The following PARD3B variants were observed in gnomAD, a reference collection of about 807,000 sequenced individuals.
The protein encoded by PARD3B is par-3 family cell polarity regulator beta, also known as partitioning defective 3 homolog B.
Under a neutral mutation model 130.2 loss-of-function variants are expected in PARD3B, and 103 were observed. The observed-to-expected ratio is 0.79, with a 90% CI of 0.67 to 0.93. PARD3B has a LOEUF of 0.93. Among genes scored for constraint, PARD3B ranks in the 40% least tolerant of loss-of-function variants. PARD3B has a pLI of 0.00. For synonymous variants in PARD3B, 583 were observed against 553.2 expected (o/e 1.05, Z -0.76); for missense variants, 1,609 against 1,499.2 (o/e 1.07, Z -1.21).
intron 4 of PARD3B, among the ~76,000 whole-genome samples, chr2:205,080,355 A>C (rs962021032): frequency 3.3e-5 from 5 of 151,978 alleles, no homozygotes; most frequent in African/African-American, 1.2e-4. Context: ...TTTCACTTTA[A>C]TGGTTATCTT....
intron 21 of PARD3B, among the ~76,000 whole-genome samples, chr2:205,513,891 G>A (rs558472158): frequency 2.0e-5 from 3 of 152,058 alleles, no homozygotes; most frequent in African/African-American, 4.8e-5. Flanking sequence ...AAGAATTAAC[G>A]AGATAGATTT....
intron 15 of PARD3B, among the ~76,000 whole-genome samples, chr2:205,236,993 G>T (rs1050640360): frequency 2.0e-5 from 3 of 152,210 alleles, no homozygotes; most frequent in African/African-American, 7.2e-5. Context: ...AAGAGGGAAA[G>T]GAATGGCACT....
At chr2:205,273,057 T>C (rs573466550) in intron 16 of PARD3B, among the ~76,000 whole-genome samples, 1 of 152,326 alleles carries the variant, frequency 6.6e-6, no homozygotes, top group East Asian at 1.9e-4. Context: ...CCTGAAGTAA[T>C]TGGAAATAAA....
chr2:205,076,859 A>C (rs1211479852), intron 4 of PARD3B, among the ~76,000 whole-genome samples: 1 of 152,176 alleles, frequency 6.6e-6, no homozygotes, highest in Non-Finnish European at 1.5e-5. Context: ...GTGTTTCATT[A>C]AGATCTGGAA....
chr2:205,478,846 G>A (rs1261525476), intron 20 of PARD3B, among the ~76,000 whole-genome samples: 1 of 152,092 alleles, frequency 6.6e-6, no homozygotes, highest in Non-Finnish European at 1.5e-5. Flanking sequence ...GTATGAAAAA[G>A]CATGGAAAAG....
At chr2:205,413,819 G>GT (rs2046681297) in intron 19 of PARD3B, among the ~76,000 whole-genome samples, 1 of 152,120 alleles carries the variant, frequency 6.6e-6, no homozygotes, top group South Asian at 2.1e-4. Context: ...GAGAGCTGTT[G>GT]TTTGTTGTTG....
At chr2:204,903,274 A>G (rs1457553866) in intron 2 of PARD3B, among the ~76,000 whole-genome samples, 1 of 152,214 alleles carries the variant, frequency 6.6e-6, no homozygotes, top group Non-Finnish European at 1.5e-5. Context: ...AATAAAATAG[A>G]ACTTTCTTAT....
intron 11 of PARD3B, among the ~76,000 whole-genome samples, chr2:205,164,381 G>C (rs2034679237): frequency 6.6e-6 from 1 of 152,114 alleles, no homozygotes; most frequent in Non-Finnish European, 1.5e-5. Flanking sequence ...CTTGAGCTCA[G>C]GAGTTCCAGA....
chr2:205,559,056 A>G (rs1254431288), intron 22 of PARD3B, among the ~76,000 whole-genome samples: 1 of 152,186 alleles, frequency 6.6e-6, no homozygotes, highest in African/African-American at 2.4e-5. Flanking sequence ...TGCTATACAG[A>G]TGAGAATAGT....
At chr2:204,834,160 T>C (rs1021943014) in intron 2 of PARD3B, among the ~76,000 whole-genome samples, 2 of 152,230 alleles carry the variant, frequency 1.3e-5, no homozygotes, top group African/African-American at 4.8e-5. Flanking sequence ...ATTTATAACA[T>C]TGTTTTCCTT....
At chr2:205,144,910 G>A (rs1330724846) in intron 10 of PARD3B, among the ~76,000 whole-genome samples, 3 of 152,134 alleles carry the variant, frequency 2.0e-5, no homozygotes, top group African/African-American at 7.2e-5. Flanking sequence ...TTTAACCAAC[G>A]AAAAGAAACT....
chr2:204,983,838 T>G (rs1227880826), intron 3 of PARD3B, among the ~76,000 whole-genome samples: 1 of 152,186 alleles, frequency 6.6e-6, no homozygotes, highest in African/African-American at 2.4e-5. Context: ...AGCTTACTAT[T>G]ATTTGTCCAA....
At chr2:205,272,494 T>A (rs1047421347) in intron 16 of PARD3B, among the ~76,000 whole-genome samples, 11 of 152,190 alleles carry the variant, frequency 7.2e-5, no homozygotes, top group Non-Finnish European at 1.3e-4. Flanking sequence ...AATTAGGATG[T>A]GTTTGACTGC....
chr2:205,000,373 T>C (rs1694732930), intron 3 of PARD3B, among the ~76,000 whole-genome samples: 1 of 152,084 alleles, frequency 6.6e-6, no homozygotes, highest in Admixed American at 6.5e-5. Context: ...GTGTGTGTAG[T>C]GGTTGGGGGA....
intron 2 of PARD3B, among the ~76,000 whole-genome samples, chr2:204,836,642 C>T (rs1197443987): frequency 6.6e-6 from 1 of 152,108 alleles, no homozygotes; most frequent in Non-Finnish European, 1.5e-5. Flanking sequence ...GCCTAGGTGA[C>T]AGAGTGAGAC....
At chr2:205,197,138 C>T (rs978438482) in intron 15 of PARD3B, among the ~76,000 whole-genome samples, 3 of 150,726 alleles carry the variant, frequency 2.0e-5, no homozygotes, top group Non-Finnish European at 3.0e-5. Flanking sequence ...CTGATGGAAA[C>T]ATTTGATCAA....
chr2:205,452,888 C>A (rs889011698), intron 20 of PARD3B, among the ~76,000 whole-genome samples: 5 of 152,078 alleles, frequency 3.3e-5, no homozygotes, highest in African/African-American at 1.2e-4. Flanking sequence ...GGTAAATGGG[C>A]ATGTTTGAGG....
intron 21 of PARD3B, among the ~76,000 whole-genome samples, chr2:205,548,107 G>A (rs748642572): frequency 6.6e-6 from 1 of 151,956 alleles, no homozygotes; most frequent in Non-Finnish European, 1.5e-5. Context: ...ACTTCCTCCT[G>A]GGTTCAGTGT....
chr2:205,082,328 A>G (rs764177656), intron 4 of PARD3B, among the ~76,000 whole-genome samples: 10 of 152,228 alleles, frequency 6.6e-5, no homozygotes, highest in Non-Finnish European at 1.5e-4. Context: ...ATACTCACAC[A>G]CCTATGATAA....
Sources: gnomAD v4.1 joint callset for allele counts (sites outside exome capture counted in the v4.1 genomes callset) on GRCh38, gnomAD v4.1.1 for gene constraint, MANE v1.5 for transcripts, NCBI Gene and HGNC (gene_info 2026-07-23, HGNC 2026-07-21) for gene names.